The following TMEM132E variants were observed in gnomAD, a reference collection of about 807,000 sequenced individuals.
The protein encoded by TMEM132E is transmembrane protein 132E.
Under a neutral mutation model 78.5 loss-of-function variants are expected in TMEM132E, and 49 were observed. The observed-to-expected ratio is 0.62, with a 90% CI of 0.50 to 0.79. TMEM132E has a LOEUF of 0.79. TMEM132E is among the 30% of genes least tolerant of loss of function. The probability of loss-of-function intolerance (pLI) is 0.00; values close to 1 mark genes in which losing one functional copy is unlikely to be tolerated. For synonymous variants in TMEM132E, 715 were observed against 670.6 expected (o/e 1.07, Z -1.02); for missense variants, 1,403 against 1,470.9 (o/e 0.95, Z 0.75).
rs938938577 is a variant in TMEM132E, at chr17:34,602,237, G to A, written c.67+21094G>A. 3.9e-5 allele frequency among the ~76,000 whole-genome samples: 6 copies of A among 152,240 alleles called. No individual in the cohort carries two copies. The East Asian group carries it at 1.2e-3, about 29-fold the overall frequency. On this transcript the variant is annotated intron_variant, in intron 1 of 8. Coordinates refer to ENST00000631683, the MANE Select transcript of TMEM132E (RefSeq NM_001304438.2). ...GACAGAGTCTGAAATGAACAATCGT[G>A]CTGCTTTAAGCTGGCTCTCATGTCC...
intron 1 of TMEM132E, among the ~76,000 whole-genome samples, chr17:34,583,905 G>T (rs1013121958): frequency 6.6e-6 from 1 of 152,198 alleles, no homozygotes; most frequent in Non-Finnish European, 1.5e-5. Flanking sequence ...AGAGTGGTGT[G>T]TTTGGGCACC....
chr17:34,634,788 C>G lies in TMEM132E; in HGVS notation c.1689-11C>G. 6.2e-7 allele frequency: 1 copy of G among 1,606,322 alleles called. No homozygotes were observed. Among genetic ancestry groups the G allele is most frequent in the Non-Finnish European group, 8.5e-7 (1 of 1,176,038 alleles). On this transcript the variant is annotated splice_polypyrimidine_tract_variant and intron_variant, in intron 6 of 8. Coordinates refer to ENST00000631683, the MANE Select transcript of TMEM132E (RefSeq NM_001304438.2). ...GTGAGAAGCCTTCAGCATGGCATGT[C>G]CCCACCCCAGGTCAGTCCGGGAAAG...
At chr17:34,608,034 C>A (rs186430333) in intron 1 of TMEM132E, among the ~76,000 whole-genome samples, 58 of 152,336 alleles carry the variant, frequency 3.8e-4, no homozygotes, top group African/African-American at 1.4e-3. Context: ...CAGCTCTTGT[C>A]CCCTCCTTGG....
At chr17:34,606,732 T>C (rs779741813) in intron 1 of TMEM132E, among the ~76,000 whole-genome samples, 6 of 152,282 alleles carry the variant, frequency 3.9e-5, no homozygotes, top group South Asian at 4.1e-4. Flanking sequence ...GGCAGTGATG[T>C]GCCATTCCTG....
At chr17:34,595,105 C>G (rs1906010752) in intron 1 of TMEM132E, among the ~76,000 whole-genome samples, 1 of 152,236 alleles carries the variant, frequency 6.6e-6, no homozygotes, top group Admixed American at 6.5e-5. Context: ...CTGCCAAAAT[C>G]TGTGTGAACT....
At chr17:34,586,683 T>C (rs1905692544) in intron 1 of TMEM132E, among the ~76,000 whole-genome samples, 1 of 151,950 alleles carries the variant, frequency 6.6e-6, no homozygotes, top group Non-Finnish European at 1.5e-5. Context: ...CATACACACT[T>C]CCATCCCAGG....
In TMEM132E at chr17:34,638,113, G is replaced by C. The variant is rs759721873; in HGVS notation, c.3106G>C (p.Glu1036Gln). ...LAYDSVPAGE[E>Q]DEEEEEDLGW... is the part of the protein sequence containing the mutation. Reference sequence around the variant, plus strand: ...CTATGACTCGGTGCCCGCGGGCGAAGAGGACGAGGAGGAGGAAGAGGACCT... The same window carrying C: ...CTATGACTCGGTGCCCGCGGGCGAACAGGACGAGGAGGAGGAAGAGGACCT... The change falls in exon 9 of 9, where the codon GAG becomes CAG. Residue 1036 changes from glutamate (E) to glutamine (Q), a missense_variant. Physicochemically the swap from Glu to Gln is conservative, Grantham distance 29. Around this residue, in one of 3 missense-constraint regions of TMEM132E, gnomAD observed 888 missense variants for 952.8 expected, o/e 0.93. Coordinates refer to ENST00000631683, the MANE Select transcript of TMEM132E (RefSeq NM_001304438.2). 6.2e-7 allele frequency: 1 copy of C among 1,603,114 alleles called. No individual in the cohort carries two copies. Among genetic ancestry groups the C allele is most frequent in the South Asian group, 1.1e-5 (1 of 89,550 alleles).
chr17:34,611,488 G>A (rs1906592046), intron 1 of TMEM132E, among the ~76,000 whole-genome samples: 1 of 152,168 alleles, frequency 6.6e-6, no homozygotes, highest in Non-Finnish European at 1.5e-5. Flanking sequence ...CACTGAGTTA[G>A]AAGTGCTGAT....
At chr17:34,593,664 A>T (rs1233478295) in intron 1 of TMEM132E, among the ~76,000 whole-genome samples, 1 of 152,248 alleles carries the variant, frequency 6.6e-6, no homozygotes, top group Non-Finnish European at 1.5e-5. Context: ...ACTCCCATCC[A>T]TTCAGAGGCA....
At position 34,579,714 on chromosome 17, in the gene TMEM132E, A is replaced by T. The variant is rs1039203564; in HGVS notation, c.-1363A>T. ...CTCGATTCTTCTTCTTCCCCCACAC[A>T]CGTCCATGGGGAGCCGGCTCCCCTG... On this transcript the variant is annotated 5_prime_UTR_variant, in exon 1 of 9. Transcript: ENST00000631683. The T allele has an allele frequency of 6.5e-6, 1 of 153,206 alleles. No individual in the cohort carries two copies. Among genetic ancestry groups the T allele is most frequent in the Non-Finnish European group, 1.4e-5 (1 of 69,002 alleles). 9.5% of individuals were successfully genotyped at this position (153,206 alleles called of 1,614,324 possible).
In TMEM132E at chr17:34,629,106, G is replaced by A. The variant is rs1408563278; in HGVS notation, c.1240G>A (p.Asp414Asn). ...CAAGCGGAGGATCATGTGGCACATTGACTACCGTGGCCACGGCGCCCTGCC... is the reference window on the plus strand; with the variant it reads ...CAAGCGGAGGATCATGTGGCACATTAACTACCGTGGCCACGGCGCCCTGCC... ...SVKRRIMWHI[D>N]YRGHGALPDL... is the part of the protein sequence containing the mutation. The change falls in exon 4 of 9, where the codon GAC becomes AAC. Residue 414 changes from aspartate (D) to asparagine (N), a missense_variant. Physicochemically the swap from Asp to Asn is conservative, Grantham distance 23. Transcript: ENST00000631683. 4.3e-6 allele frequency: 7 copies of A among 1,612,946 alleles called. No homozygotes were observed. Among genetic ancestry groups the A allele is most frequent in the Non-Finnish European group, 5.9e-6 (7 of 1,179,332 alleles).
At chr17:34,600,124 C>T (rs990943096) in intron 1 of TMEM132E, among the ~76,000 whole-genome samples, 2 of 152,212 alleles carry the variant, frequency 1.3e-5, no homozygotes, top group Non-Finnish European at 2.9e-5. Context: ...TTTTCTTCCT[C>T]TCGTTCACTT....
At chr17:34,627,467 C>CGTGTGCGTGTGTGTGTGTGTGTGTGTGT (rs146318983) in intron 2 of TMEM132E, among the ~76,000 whole-genome samples, 1 of 126,470 alleles carries the variant, frequency 7.9e-6, no homozygotes, top group African/African-American at 3.0e-5. Flanking sequence ...CCAAAAGAAT[C>CGTGTGCGTGTGTGTGTGTGTGTGTGTGT]GTGTGTGTGT....
chr17:34,622,235 TCTC>T (rs1906985065), intron 1 of TMEM132E, among the ~76,000 whole-genome samples: 1 of 152,156 alleles, frequency 6.6e-6, no homozygotes, highest in African/African-American at 2.4e-5. Flanking sequence ...TCCAGGGCCT[TCTC>T]CACCTCCCAG....
At chr17:34,584,383 T>C (rs905681297) in intron 1 of TMEM132E, among the ~76,000 whole-genome samples, 6 of 152,250 alleles carry the variant, frequency 3.9e-5, no homozygotes, top group African/African-American at 1.4e-4. Context: ...ACCCCCTAGC[T>C]TCTCACCAGC....
intron 1 of TMEM132E, among the ~76,000 whole-genome samples, chr17:34,598,258 GC>G (rs1906119960): frequency 6.6e-6 from 1 of 151,874 alleles, no homozygotes; most frequent in Non-Finnish European, 1.5e-5. Flanking sequence ...CCTTCCTAAG[GC>G]CACTTCCACT....
intron 2 of TMEM132E, 22 bp downstream of exon 2, chr17:34,627,079 G>T (rs778784436): frequency 5.1e-6 from 7 of 1,360,688 alleles, no homozygotes; most frequent in Non-Finnish European, 6.9e-6. Context: ...GATGGGTGGG[G>T]ATCTGGTTTC....
At chr17:34,615,877 A>AG (rs1189648619) in intron 1 of TMEM132E, among the ~76,000 whole-genome samples, 3 of 152,060 alleles carry the variant, frequency 2.0e-5, no homozygotes, top group Non-Finnish European at 2.9e-5. Flanking sequence ...ACATTTAAAG[A>AG]GGGCTGCCTG....
chr17:34,632,472 T>A lies in TMEM132E; in HGVS notation c.1483-232T>A, dbSNP rs78109769. On this transcript the variant is annotated intron_variant, in intron 5 of 8. Transcript: ENST00000631683. ...AAGCATTTGCATGTTGGCTCCTTAC[T>A]AAGGAACAAAATCCTCCCCCAGTGG... Among the ~76,000 whole-genome samples the A allele has an allele frequency of 3.1e-3, 465 of 152,318 alleles. 4 individuals are homozygous for A. The highest frequency in any genetic ancestry group is 0.011 in the African/African-American group (449 of 41,582).
Sources: gnomAD v4.1 joint callset for allele counts (sites outside exome capture counted in the v4.1 genomes callset) on GRCh38, gnomAD v4.1.1 for gene constraint, gnomAD v4.1.1 regional missense constraint, MANE v1.5 for transcripts, NCBI Gene and HGNC (gene_info 2026-07-23, HGNC 2026-07-21) for gene names.